Variants in DLGAP2 observed in about 807,000 individuals in gnomAD.
DLGAP2 encodes DLG associated protein 2.
Under a neutral mutation model 100.3 loss-of-function variants are expected in DLGAP2, and 26 were observed. The ratio of observed to expected loss-of-function variants is 0.26; its 90% CI spans 0.19 to 0.36. The LOEUF (loss-of-function observed/expected upper bound fraction) is 0.36, where lower values mean the gene tolerates loss of function less well. DLGAP2 is among the 10% of genes least tolerant of loss of function. The pLI is 1.00. For synonymous variants in DLGAP2, 886 were observed against 630.1 expected (o/e 1.41, Z -6.08); for missense variants, 1,858 against 1,453.2 (o/e 1.28, Z -4.53).
At chr8:1,088,437 G>T (rs190906922) in intron 2 of DLGAP2, among the ~76,000 whole-genome samples, 20 of 152,262 alleles carry the variant, frequency 1.3e-4, no homozygotes, top group African/African-American at 4.8e-4. Flanking sequence ...TTCTATGGCA[G>T]TTGACCAGTA....
At chr8:912,080 T>C (rs1798496367) in intron 2 of DLGAP2, among the ~76,000 whole-genome samples, 1 of 152,010 alleles carries the variant, frequency 6.6e-6, no homozygotes, top group Admixed American at 6.6e-5. Flanking sequence ...TTATCCTGAG[T>C]TTTTCAGGAG....
chr8:1,634,401 C>T (rs1355618695), intron 8 of DLGAP2, among the ~76,000 whole-genome samples: 2 of 152,130 alleles, frequency 1.3e-5, no homozygotes, highest in Non-Finnish European at 2.9e-5. Flanking sequence ...GCCCAGGACC[C>T]ACCCAAGGGA....
chr8:1,160,101 G>C (rs564337049), intron 2 of DLGAP2, among the ~76,000 whole-genome samples: 25 of 152,248 alleles, frequency 1.6e-4, no homozygotes, highest in Non-Finnish European at 3.1e-4. Context: ...CAGCCCGGAA[G>C]CTGACGCCGC....
At chr8:1,093,326 CCAA>C in intron 2 of DLGAP2, among the ~76,000 whole-genome samples, 1 of 152,128 alleles carries the variant, frequency 6.6e-6, no homozygotes, top group Middle Eastern at 3.4e-3. Flanking sequence ...TACTTTCACA[CCAA>C]CAGCCAGACA....
At chr8:1,329,922 G>C (rs1346391175) in intron 3 of DLGAP2, among the ~76,000 whole-genome samples, 1 of 152,200 alleles carries the variant, frequency 6.6e-6, no homozygotes, top group East Asian at 1.9e-4. Context: ...CAGCCGCCCT[G>C]CCGTGCAGTA....
intron 3 of DLGAP2, among the ~76,000 whole-genome samples, chr8:1,425,997 C>A (rs1009704438): frequency 6.6e-6 from 1 of 152,212 alleles, no homozygotes; most frequent in Admixed American, 6.5e-5. Flanking sequence ...ACATGCTACA[C>A]CTGCAAGGTG....
intron 3 of DLGAP2, among the ~76,000 whole-genome samples, chr8:1,436,465 T>C (rs986899236): frequency 2.0e-5 from 3 of 152,050 alleles, no homozygotes; most frequent in African/African-American, 7.2e-5. Flanking sequence ...TGAGGGTGGG[T>C]CTGCCTCTCC....
intron 3 of DLGAP2, among the ~76,000 whole-genome samples, chr8:1,484,513 T>G (rs1799188709): frequency 6.6e-6 from 1 of 152,218 alleles, no homozygotes; most frequent in Admixed American, 6.5e-5. Flanking sequence ...TGGTCTGTGA[T>G]GTTTTGATCA....
intron 12 of DLGAP2, among the ~76,000 whole-genome samples, chr8:1,685,146 G>A (rs573925078): frequency 3.7e-4 from 57 of 152,308 alleles, no homozygotes; most frequent in African/African-American, 1.3e-3. Context: ...AAAATGGTCT[G>A]GATGGGGAGA....
intron 3 of DLGAP2, among the ~76,000 whole-genome samples, chr8:1,295,861 A>C (rs1231796425): frequency 1.3e-5 from 2 of 152,044 alleles, no homozygotes; most frequent in Non-Finnish European, 2.9e-5. Flanking sequence ...TTCTCATGGC[A>C]CCTGCCTGGG....
At chr8:1,641,441 C>T (rs968729991) in intron 8 of DLGAP2, among the ~76,000 whole-genome samples, 4 of 152,176 alleles carry the variant, frequency 2.6e-5, no homozygotes, top group African/African-American at 7.2e-5. Flanking sequence ...CTGGGATGAT[C>T]TCCCAGGTAA....
At chr8:1,639,014 G>A (rs1206478977) in intron 8 of DLGAP2, among the ~76,000 whole-genome samples, 1 of 152,190 alleles carries the variant, frequency 6.6e-6, no homozygotes, top group African/African-American at 2.4e-5. Context: ...GGGATGAAGT[G>A]CCCAACAGCC....
intron 1 of DLGAP2, among the ~76,000 whole-genome samples, chr8:880,678 G>A (rs1016071347): frequency 7.6e-4 from 114 of 150,964 alleles, no homozygotes; most frequent in Non-Finnish European, 1.4e-3. Flanking sequence ...GGGTCGGGGT[G>A]ACCGTCCAGT....
intron 1 of DLGAP2, among the ~76,000 whole-genome samples, chr8:752,890 G>C (rs1187228470): frequency 2.6e-5 from 4 of 152,168 alleles, no homozygotes; most frequent in African/African-American, 9.7e-5. Context: ...CCTCAGAGCA[G>C]CCTTCTGTAG....
At chr8:893,643 C>T (rs186239861) in intron 1 of DLGAP2, among the ~76,000 whole-genome samples, 1 of 152,196 alleles carries the variant, frequency 6.6e-6, no homozygotes, top group Non-Finnish European at 1.5e-5. Context: ...TGAGGGAAGT[C>T]CGTTAGGCAT....
intron 2 of DLGAP2, among the ~76,000 whole-genome samples, chr8:1,000,329 G>A (rs1219059526): frequency 4.0e-5 from 6 of 151,606 alleles, no homozygotes; most frequent in Admixed American, 3.9e-4. Context: ...AGAGCGGACA[G>A]ATCCGGGTGG....
chr8:1,360,380 G>T (rs1284030473), intron 3 of DLGAP2, among the ~76,000 whole-genome samples: 1 of 152,084 alleles, frequency 6.6e-6, no homozygotes, highest in African/African-American at 2.4e-5. Context: ...GAGGCTTTGC[G>T]CTGCGTCTGT....
rs146386358 is a variant in DLGAP2, at chr8:1,312,674, C to G, written c.106+53791C>G. Among the ~76,000 whole-genome samples, 75 of 152,298 alleles carry G rather than the reference C, an allele frequency of 4.9e-4. 1 individual carries two copies. The highest frequency in any genetic ancestry group is 3.7e-3 in the Admixed American group (57 of 15,302). On this transcript the variant is annotated intron_variant, in intron 3 of 14. Coordinates refer to ENST00000637795, the MANE Select transcript of DLGAP2 (RefSeq NM_001346810.2). Reference sequence around the variant, plus strand: ...AGTGAAATGGCAAATTTTATGTCATCTGTACCAGAATAAAAAATATTTACA... The same window carrying G: ...AGTGAAATGGCAAATTTTATGTCATGTGTACCAGAATAAAAAATATTTACA...
chr8:816,867 G>A (rs1796489918), intron 1 of DLGAP2, among the ~76,000 whole-genome samples: 2 of 152,090 alleles, frequency 1.3e-5, no homozygotes, highest in African/African-American at 2.4e-5. Context: ...CTTAGGTTTG[G>A]ACATTTAACA....
Sources: allele counts gnomAD v4.1 joint callset (sites outside exome capture counted in the v4.1 genomes callset), GRCh38; gene constraint gnomAD v4.1.1; transcripts MANE v1.5; gene names NCBI Gene and HGNC (gene_info 2026-07-23, HGNC 2026-07-21).